Variants in MFSD6 observed in about 807,000 individuals in gnomAD.
MFSD6 encodes the protein major facilitator superfamily domain-containing protein 6.
In MFSD6, 26 loss-of-function variants were observed where a neutral mutation model predicts 56.3. That is an observed-to-expected ratio of 0.46 (90% CI 0.34 to 0.64). The LOEUF is 0.64. Among genes scored for constraint, MFSD6 ranks in the 30% least tolerant of loss-of-function variants. The pLI is 0.01. For synonymous variants in MFSD6, 331 were observed against 366.9 expected (o/e 0.90, Z 1.12); for missense variants, 750 against 986.2 (o/e 0.76, Z 3.21).
At chr2:190,432,385 G>A (rs1466926181) in intron 2 of MFSD6, among the ~76,000 whole-genome samples, 1 of 152,112 alleles carries the variant, frequency 6.6e-6, no homozygotes, top group Non-Finnish European at 1.5e-5. Context: ...TCTGCTTGGT[G>A]CTCTATGGCC....
chr2:190,448,758 C>T (rs1686672364), intron 3 of MFSD6, among the ~76,000 whole-genome samples: 6 of 152,140 alleles, frequency 3.9e-5, no homozygotes, highest in Admixed American at 3.3e-4. Context: ...CAAAGGGGAC[C>T]TCTACATTAT....
In MFSD6 at chr2:190,497,488, T is replaced by G; in HGVS notation, c.1941T>G (p.Pro647=). Reference sequence around the variant, plus strand: ...TTCCTGTTCCCTCCAGTCCCGTTCCTATAGCAACCATCGACTTGGTACAGC... The same window carrying G: ...TTCCTGTTCCCTCCAGTCCCGTTCCGATAGCAACCATCGACTTGGTACAGC... ...ERIPVPSSPV[P]IATIDLVQQQ... is the part of the protein sequence containing the mutation. The change falls in exon 7 of 8, where the codon CCT becomes CCG. Residue 647 remains proline (P), a synonymous_variant. Transcript: ENST00000392328. This position sits in a 1 kb window ranked among gnomAD's most constrained non-coding sequence, Gnocchi z 5.2. 1 of 1,614,194 alleles carries G rather than the reference T, an allele frequency of 6.2e-7. No individual in the cohort carries two copies. Among genetic ancestry groups the G allele is most frequent in the Non-Finnish European group, 8.5e-7 (1 of 1,180,022 alleles).
intron 3 of MFSD6, among the ~76,000 whole-genome samples, chr2:190,466,876 C>T (rs1040748096): frequency 5.3e-5 from 8 of 152,150 alleles, no homozygotes; most frequent in East Asian, 1.9e-4. Flanking sequence ...CTAAGGGTCC[C>T]AGAAGTTGTG....
chr2:190,497,437 A>T lies in MFSD6; in HGVS notation c.1892-2A>T. ...ATAGTTTAAACATTCTTTTCTCTCC[A>T]GACAAGACAATGTTGGCAGAAAGAA... On this transcript the variant is annotated splice_acceptor_variant, in intron 6 of 7. Transcript: ENST00000392328. LOFTEE classifies it high-confidence loss of function. This position sits in a 1 kb window ranked among gnomAD's most constrained non-coding sequence, Gnocchi z 5.2. 1 of 1,612,916 alleles carries T rather than the reference A, an allele frequency of 6.2e-7. No homozygotes were observed. The highest frequency in any genetic ancestry group is 8.5e-7 in the Non-Finnish European group (1 of 1,179,064).
chr2:190,426,378 G>T lies in MFSD6; in HGVS notation c.-53-9599G>T, dbSNP rs1460847083. ...TTGTGGTTGTATTTTCCAGTTATAA[G>T]TTTTCCATTTTTTCTTCCATTTCTT... On this transcript the variant is annotated intron_variant, in intron 2 of 7. Transcript: ENST00000392328. The surrounding 1 kb of genome is among the most constrained non-coding windows in gnomAD (Gnocchi z 4.7). Among the ~76,000 whole-genome samples, 1 of 151,868 alleles carries T rather than the reference G, an allele frequency of 6.6e-6. No individual in the cohort carries two copies. Among genetic ancestry groups the T allele is most frequent in the Non-Finnish European group, 1.5e-5 (1 of 67,960 alleles).
chr2:190,444,308 T>C (rs1007294190), intron 3 of MFSD6, among the ~76,000 whole-genome samples: 5 of 152,242 alleles, frequency 3.3e-5, no homozygotes, highest in African/African-American at 1.2e-4. Flanking sequence ...ATGAGTATTC[T>C]TGGTCATGGC....
chr2:190,492,320 A>T lies in MFSD6; in HGVS notation c.1891+2454A>T, dbSNP rs1213993452. Among the ~76,000 whole-genome samples the T allele has an allele frequency of 6.6e-6, 1 of 152,240 alleles. No individual in the cohort carries two copies. On this transcript the variant is annotated intron_variant, in intron 6 of 7. Coordinates refer to ENST00000392328, the MANE Select transcript of MFSD6 (RefSeq NM_017694.4). The surrounding 1 kb of genome is among the most constrained non-coding windows in gnomAD (Gnocchi z 5.2). ...AACACCTGGGAAATTCATTGCAAAG[A>T]GATCATTGCCTAGGCACATTGTCAT...
intron 2 of MFSD6, among the ~76,000 whole-genome samples, chr2:190,421,590 A>G (rs184065853): frequency 6.6e-6 from 1 of 152,128 alleles, no homozygotes; most frequent in Non-Finnish European, 1.5e-5. Flanking sequence ...ATATTCACCT[A>G]TTTATTTATT....
At chr2:190,450,851 G>A (rs1009933979) in intron 3 of MFSD6, among the ~76,000 whole-genome samples, 2 of 152,114 alleles carry the variant, frequency 1.3e-5, no homozygotes, top group Non-Finnish European at 2.9e-5. Flanking sequence ...TGACATTATT[G>A]AAAAGAAGAA....
chr2:190,463,413 A>T lies in MFSD6; in HGVS notation c.1533-6345A>T, dbSNP rs925958792. On this transcript the variant is annotated intron_variant, in intron 3 of 7. Transcript: ENST00000392328. This position sits in a 1 kb window ranked among gnomAD's most constrained non-coding sequence, Gnocchi z 4.4. The stretch of plus-strand genomic sequence containing the variant: ...ATCAAGTGCTTGTGCTGAGCACAGG[A>T]GTCTCCACTCTAATCAGCAGCTGAT... Among the ~76,000 whole-genome samples the T allele has an allele frequency of 2.6e-5, 4 of 152,208 alleles. No individual in the cohort carries two copies. Among genetic ancestry groups the T allele is most frequent in the African/African-American group, 9.7e-5 (4 of 41,446 alleles).
rs1047473424 is a variant in MFSD6 at position 190,457,853 on chromosome 2, C to T, written c.1533-11905C>T. ...CTTGGCCAGCGTGCAGCATATGCCC[C>T]GCCATGCTGCCCATTTTAAAACCAG... On this transcript the variant is annotated intron_variant, in intron 3 of 7. Coordinates refer to ENST00000392328, the MANE Select transcript of MFSD6 (RefSeq NM_017694.4). This position sits in a 1 kb window ranked among gnomAD's most constrained non-coding sequence, Gnocchi z 5.1. Among the ~76,000 whole-genome samples, 5 of 152,156 alleles carry T rather than the reference C, an allele frequency of 3.3e-5. No homozygotes were observed. Among genetic ancestry groups the T allele is most frequent in the Non-Finnish European group, 7.3e-5 (5 of 68,036 alleles).
Position 190,485,203 on chromosome 2 carries a change from C to T in MFSD6, c.1631-3454C>T, listed in dbSNP as rs1453312107. On this transcript the variant is annotated intron_variant, in intron 4 of 7. Coordinates refer to ENST00000392328, the MANE Select transcript of MFSD6 (RefSeq NM_017694.4). The surrounding 1 kb of genome is among the most constrained non-coding windows in gnomAD (Gnocchi z 5.1). ...CTGAGAGGGGGAAAATAGATACAAACCCTGTGGTTGGAAGAGTTTGTGTGT... is the reference window on the plus strand; with the variant it reads ...CTGAGAGGGGGAAAATAGATACAAATCCTGTGGTTGGAAGAGTTTGTGTGT... 6.6e-6 allele frequency among the ~76,000 whole-genome samples: 1 copy of T among 152,106 alleles called. No homozygotes were observed. The highest frequency in any genetic ancestry group is 6.5e-5 in the Admixed American group (1 of 15,274).
chr2:190,468,691 G>T (rs907416672), intron 3 of MFSD6, among the ~76,000 whole-genome samples: 1 of 150,086 alleles, frequency 6.7e-6, no homozygotes, highest in African/African-American at 2.5e-5. Context: ...ACTCTTGGGC[G>T]CAAGTGATCC....
intron 3 of MFSD6, among the ~76,000 whole-genome samples, chr2:190,449,504 C>T (rs1011617412): frequency 2.6e-5 from 4 of 152,018 alleles, no homozygotes; most frequent in African/African-American, 9.7e-5. Flanking sequence ...AAACTGTGTC[C>T]AACAACTTTG....
At chr2:190,435,841 A>C in intron 2 of MFSD6, 136 bp from the exon 3 acceptor site, 1 of 763,084 alleles carries the variant, frequency 1.3e-6, no homozygotes, top group African/African-American at 1.7e-5. Flanking sequence ...GTGTGGCTGC[A>C]AGTGATAAAT....
intron 3 of MFSD6, among the ~76,000 whole-genome samples, chr2:190,464,609 G>A (rs752457710): frequency 1.2e-4 from 18 of 152,176 alleles, no homozygotes; most frequent in Non-Finnish European, 2.2e-4. Context: ...TCCTCTGCCT[G>A]TGATGCTCTT....
rs1262750682 is a variant in MFSD6 at position 190,494,307 on chromosome 2, A to G, written c.1892-3132A>G. 1.3e-5 allele frequency among the ~76,000 whole-genome samples: 2 copies of G among 152,162 alleles called. No individual in the cohort carries two copies. The highest frequency in any genetic ancestry group is 2.9e-5 in the Non-Finnish European group (2 of 68,016). On this transcript the variant is annotated intron_variant, in intron 6 of 7. Coordinates refer to ENST00000392328, the MANE Select transcript of MFSD6 (RefSeq NM_017694.4). The surrounding 1 kb of genome is among the most constrained non-coding windows in gnomAD (Gnocchi z 5.7). Reference sequence around the variant, plus strand: ...ACCCTCCTAGCTTAAATCAGGAAGAATTAGAAACCCTGAACAGACAACTAA... The same window carrying G: ...ACCCTCCTAGCTTAAATCAGGAAGAGTTAGAAACCCTGAACAGACAACTAA...
In MFSD6 at chr2:190,459,938, G is replaced by C. The variant is rs1049259286; in HGVS notation, c.1533-9820G>C. Among the ~76,000 whole-genome samples, 9 of 152,208 alleles carry C rather than the reference G, an allele frequency of 5.9e-5. No individual in the cohort carries two copies. Among genetic ancestry groups the C allele is most frequent in the African/African-American group, 2.2e-4 (9 of 41,450 alleles). On this transcript the variant is annotated intron_variant, in intron 3 of 7. Coordinates refer to ENST00000392328, the MANE Select transcript of MFSD6 (RefSeq NM_017694.4). This position sits in a 1 kb window ranked among gnomAD's most constrained non-coding sequence, Gnocchi z 5.3. The stretch of plus-strand genomic sequence containing the variant: ...ACATACAATGTGATTCTTATGCTCT[G>C]TTCTACAAGGATGGGTCAGTGGCCA...
rs1210748982 is a variant in MFSD6 at position 190,430,734 on chromosome 2, C to T, written c.-53-5243C>T. Among the ~76,000 whole-genome samples, 7 of 151,234 alleles carry T rather than the reference C, an allele frequency of 4.6e-5. 1 individual carries two copies. The highest frequency in any genetic ancestry group is 2.1e-4 in the South Asian group (1 of 4,792). ...TGAGCTGTTGGGTACACTTCCCAGA[C>T]GGGGTGGTGGCCAGGCAGAGGGGCT... On this transcript the variant is annotated intron_variant, in intron 2 of 7. Transcript: ENST00000392328.
Sources: allele counts gnomAD v4.1 joint callset (sites outside exome capture counted in the v4.1 genomes callset), GRCh38; gene constraint gnomAD v4.1.1; non-coding constraint Gnocchi (gnomAD v3.1); transcripts MANE v1.5; gene names NCBI Gene and HGNC (gene_info 2026-07-23, HGNC 2026-07-21).